AGBL4: variants seen among roughly 807,000 people sequenced by gnomAD.
The protein encoded by AGBL4 is AGBL carboxypeptidase 4.
Under a neutral mutation model 66.4 loss-of-function variants are expected in AGBL4, and 58 were observed. The ratio of observed to expected loss-of-function variants is 0.87; its 90% CI spans 0.71 to 1.09. The LOEUF (loss-of-function observed/expected upper bound fraction) is 1.09. Among genes scored for constraint, AGBL4 ranks in the 50% least tolerant of loss-of-function variants. The probability of loss-of-function intolerance (pLI) is 0.00; values close to 1 mark genes in which losing one functional copy is unlikely to be tolerated. For synonymous variants in AGBL4, 234 were observed against 222.9 expected, an observed-to-expected ratio of 1.05 and a Z score of -0.44; for missense variants, 579 against 631.0, an observed-to-expected ratio of 0.92 and a Z score of 0.88.
chr1:49,830,824 A>C (rs1321429889), intron 2 of AGBL4, among the ~76,000 whole-genome samples: 1 of 152,160 alleles, frequency 6.6e-6, no homozygotes, highest in Admixed American at 6.5e-5. Flanking sequence ...TTTTCTGCAT[A>C]TGGCTAGTCA....
In AGBL4 at chr1:49,056,338, T is replaced by C. The variant is rs563755889; in HGVS notation, c.378-10538A>G. ...TAAACAAACAAATCAATGTATAATA[T>C]AGTATAAGGTAATGATAAGAATAAT... is the stretch of plus-strand genomic sequence containing the variant. On this transcript the variant is annotated intron_variant, in intron 4 of 13. Transcript: ENST00000371839. Among the ~76,000 whole-genome samples, 43 of 151,564 alleles carry C rather than the reference T, an allele frequency of 2.8e-4. 1 individual carries two copies. Among genetic ancestry groups the C allele is most frequent in the African/African-American group, 9.9e-4 (41 of 41,330 alleles).
intron 3 of AGBL4, among the ~76,000 whole-genome samples, chr1:49,450,963 G>C (rs1055240087): frequency 6.6e-6 from 1 of 152,038 alleles, no homozygotes; most frequent in Non-Finnish European, 1.5e-5. Context: ...AATTCGGCAT[G>C]ATATGACTGG....
chr1:49,357,165 CT>C (rs1288156899), intron 3 of AGBL4, among the ~76,000 whole-genome samples: 2 of 152,168 alleles, frequency 1.3e-5, no homozygotes, highest in African/African-American at 4.8e-5. Context: ...GACTGGTTGC[CT>C]TTCTTTATCT....
intron 5 of AGBL4, among the ~76,000 whole-genome samples, chr1:48,916,851 T>G (rs943033407): frequency 4.6e-5 from 7 of 152,296 alleles, no homozygotes; most frequent in Non-Finnish European, 8.8e-5. Flanking sequence ...ATGAGTGCTA[T>G]TCTAAGGAAA....
At chr1:49,991,929 A>C (rs1659974424) in intron 1 of AGBL4, among the ~76,000 whole-genome samples, 1 of 152,198 alleles carries the variant, frequency 6.6e-6, no homozygotes, top group Non-Finnish European at 1.5e-5. Flanking sequence ...TTCCATATCT[A>C]TAAAATAGAA....
intron 1 of AGBL4, among the ~76,000 whole-genome samples, chr1:49,953,953 G>A (rs1048848730): frequency 1.1e-4 from 17 of 151,802 alleles, no homozygotes; most frequent in African/African-American, 3.4e-4. Context: ...AGTTGCAGTC[G>A]TGTGATAATA....
chr1:49,176,721 T>C (rs951443233), intron 4 of AGBL4, among the ~76,000 whole-genome samples: 1 of 152,114 alleles, frequency 6.6e-6, no homozygotes, highest in Non-Finnish European at 1.5e-5. Context: ...TAATACCCTA[T>C]ATAAAGAATT....
chr1:48,562,925 T>C (rs1342864452), intron 11 of AGBL4, among the ~76,000 whole-genome samples: 1 of 152,206 alleles, frequency 6.6e-6, no homozygotes, highest in African/African-American at 2.4e-5. Flanking sequence ...TTATGGCAGG[T>C]AGTGGCAGAA....
At chr1:49,231,969 T>A (rs958109233) in intron 4 of AGBL4, among the ~76,000 whole-genome samples, 1 of 152,190 alleles carries the variant, frequency 6.6e-6, no homozygotes, top group African/African-American at 2.4e-5. Flanking sequence ...TAGGAAAGAC[T>A]AAGCTATGAT....
At chr1:49,216,318 G>C (rs891458927) in intron 4 of AGBL4, among the ~76,000 whole-genome samples, 9 of 151,954 alleles carry the variant, frequency 5.9e-5, no homozygotes, top group Non-Finnish European at 1.0e-4. Context: ...TTGCTACATG[G>C]GTGTATGCTA....
intron 2 of AGBL4, among the ~76,000 whole-genome samples, chr1:49,800,472 G>C (rs368134852): frequency 8.1e-6 from 1 of 123,794 alleles, no homozygotes; most frequent in Non-Finnish European, 1.7e-5. Flanking sequence ...CCACTAACTC[G>C]TCATCTAGCA....
At chr1:49,833,674 A>G (rs959088236) in intron 2 of AGBL4, among the ~76,000 whole-genome samples, 4 of 152,146 alleles carry the variant, frequency 2.6e-5, no homozygotes, top group Non-Finnish European at 4.4e-5. Context: ...TTCATTGAGC[A>G]GTGGTTTGTA....
intron 5 of AGBL4, among the ~76,000 whole-genome samples, chr1:48,883,621 T>C (rs1649998470): frequency 6.6e-6 from 1 of 152,242 alleles, no homozygotes. Flanking sequence ...ATTATCTGTT[T>C]ATTTCCTCAC....
intron 4 of AGBL4, among the ~76,000 whole-genome samples, chr1:49,108,544 T>C (rs1645342622): frequency 6.6e-6 from 1 of 152,162 alleles, no homozygotes; most frequent in Non-Finnish European, 1.5e-5. Flanking sequence ...GAAACTACTT[T>C]CTGCAAGTAA....
At chr1:49,937,432 G>A (rs1407311232) in intron 1 of AGBL4, among the ~76,000 whole-genome samples, 2 of 152,036 alleles carry the variant, frequency 1.3e-5, no homozygotes, top group East Asian at 1.9e-4. Flanking sequence ...ACAGATCAAC[G>A]AGACAGAAAG....
At chr1:49,373,395 C>T (rs1452411224) in intron 3 of AGBL4, among the ~76,000 whole-genome samples, 2 of 152,116 alleles carry the variant, frequency 1.3e-5, no homozygotes, top group Admixed American at 6.5e-5. Context: ...GGATTTGCCC[C>T]TATAATTTAA....
chr1:49,546,983 T>C (rs1652540420), intron 3 of AGBL4, among the ~76,000 whole-genome samples: 1 of 152,264 alleles, frequency 6.6e-6, no homozygotes, highest in Non-Finnish European at 1.5e-5. Context: ...CTGTTCCTTT[T>C]GCTGTGCAAA....
intron 6 of AGBL4, among the ~76,000 whole-genome samples, chr1:48,707,351 C>A (rs558370153): frequency 6.6e-6 from 1 of 152,162 alleles, no homozygotes; most frequent in East Asian, 1.9e-4. Flanking sequence ...AAGTCTTGGC[C>A]TAGTAAGAAG....
chr1:49,840,883 T>A (rs1287984425), intron 2 of AGBL4, among the ~76,000 whole-genome samples: 4 of 152,142 alleles, frequency 2.6e-5, no homozygotes, highest in African/African-American at 9.7e-5. Context: ...CTGGCAAACC[T>A]ATAGCCAACA....
Sources: gnomAD v4.1 joint callset for allele counts (sites outside exome capture counted in the v4.1 genomes callset) on GRCh38, gnomAD v4.1.1 for gene constraint, MANE v1.5 for transcripts, NCBI Gene and HGNC (gene_info 2026-07-23, HGNC 2026-07-21) for gene names.